AVEN: variants seen among roughly 807,000 people sequenced by gnomAD.
AVEN encodes the protein cell death regulator Aven.
AVEN carries 41 observed loss-of-function variants against 38.1 expected under a neutral mutation model. The ratio of observed to expected loss-of-function variants is 1.08; its 90% CI spans 0.84 to 1.40. AVEN has a LOEUF of 1.40. Ranked by LOEUF, AVEN falls within the 40% of genes most tolerant of loss-of-function variation. The pLI, the probability that AVEN is intolerant of heterozygous loss-of-function variation, is 0.00. For missense variants in AVEN, 605 were observed against 438.8 expected, an observed-to-expected ratio of 1.38 and a Z score of -3.38; for synonymous variants, 206 against 171.8, an observed-to-expected ratio of 1.20 and a Z score of -1.56.
In AVEN at chr15:33,983,171, TATATATACACAC is replaced by T. The variant is rs1383641336; in HGVS notation, c.445+19849_445+19860del. Among the ~76,000 whole-genome samples, 12 of 78,284 alleles carry T rather than the reference TATATATACACAC, an allele frequency of 1.5e-4. No homozygotes were observed. The East Asian group carries it at 5.7e-3, about 37-fold the overall frequency. 51.4% of individuals were successfully genotyped at this position (78,284 alleles called of 152,430 possible). A position where few individuals can be genotyped will look rare whatever the true frequency, so the allele number is the denominator to read the frequency against. ...GTGTGTGTGTGTGTATGTGTGTGTG[TATATATACACAC>T]GTGTGTGTATGTGTGTGTATATATA... On this transcript the variant is annotated intron_variant, in intron 2 of 5. Coordinates refer to ENST00000306730, the MANE Select transcript of AVEN (RefSeq NM_020371.3).
downstream of AVEN, chr15:33,856,898 C>G (rs1282878818): frequency 1.3e-5 from 2 of 152,348 alleles, no homozygotes; most frequent in Non-Finnish European, 1.5e-5. Flanking sequence ...ACCTCGTGAT[C>G]CGCCCGCCTC....
At chr15:33,934,138 T>G (rs1423877278) in intron 2 of AVEN, among the ~76,000 whole-genome samples, 1 of 149,964 alleles carries the variant, frequency 6.7e-6, no homozygotes, top group Non-Finnish European at 1.5e-5. Context: ...ATTTGGGAAG[T>G]CAAGGCAGGA....
At chr15:33,950,213 G>C (rs1894684863) in intron 2 of AVEN, among the ~76,000 whole-genome samples, 1 of 152,154 alleles carries the variant, frequency 6.6e-6, no homozygotes, top group African/African-American at 2.4e-5. Flanking sequence ...TGGAGTGTGA[G>C]GGAAATGGGG....
At chr15:34,068,813 A>ATTTTTTT (rs147560221) in intron 2 of AVEN, among the ~76,000 whole-genome samples, 1 of 136,492 alleles carries the variant, frequency 7.3e-6, no homozygotes, top group African/African-American at 2.8e-5. Context: ...CTACAATCCA[A>ATTTTTTT]TTTTTTTTTT....
chr15:33,907,073 C>T (rs1033176447), intron 2 of AVEN, among the ~76,000 whole-genome samples: 11 of 152,012 alleles, frequency 7.2e-5, no homozygotes, highest in African/African-American at 2.4e-4. Flanking sequence ...TACCAAACCA[C>T]GAATGAAAAG....
intron 2 of AVEN, among the ~76,000 whole-genome samples, chr15:34,002,448 T>C (rs1897173468): frequency 6.6e-6 from 1 of 152,044 alleles, no homozygotes. Flanking sequence ...CATTCTTCCC[T>C]GTTACTGCTC....
chr15:33,949,778 T>C (rs959612124), intron 2 of AVEN, among the ~76,000 whole-genome samples: 3 of 152,182 alleles, frequency 2.0e-5, no homozygotes, highest in African/African-American at 4.8e-5. Flanking sequence ...CAAAAGATAA[T>C]TGGTACAGCT....
At chr15:34,040,453 A>G (rs1304819946), upstream of AVEN, among the ~76,000 whole-genome samples, 4 of 152,128 alleles carry the variant, frequency 2.6e-5, no homozygotes, top group African/African-American at 9.7e-5. Context: ...AGGATTGTCA[A>G]CTCCAGAGAA....
chr15:34,068,904 C>G (rs532929519), intron 2 of AVEN, among the ~76,000 whole-genome samples: 1 of 151,018 alleles, frequency 6.6e-6, no homozygotes, highest in Non-Finnish European at 1.5e-5. Context: ...GTCCGCCTCC[C>G]GGGTTCACGC....
intron 1 of AVEN, among the ~76,000 whole-genome samples, chr15:34,018,681 G>A (rs1374280113): frequency 6.6e-6 from 1 of 152,202 alleles, no homozygotes; most frequent in Non-Finnish European, 1.5e-5. Context: ...GACTCCAGTG[G>A]GTTGCTGCTG....
chr15:33,855,051 A>G, downstream of AVEN: 1 of 881,806 alleles, frequency 1.1e-6, no homozygotes. Flanking sequence ...CACTTCAACT[A>G]ATGGTGATTG....
intron 2 of AVEN, among the ~76,000 whole-genome samples, chr15:33,947,254 C>A (rs1894542607): frequency 6.6e-6 from 1 of 152,190 alleles, no homozygotes; most frequent in African/African-American, 2.4e-5. Context: ...GCCTCTGTTG[C>A]AGATTGGTGT....
At chr15:34,050,958 C>T (rs1368626265) in intron 5 of AVEN, among the ~76,000 whole-genome samples, 2 of 152,138 alleles carry the variant, frequency 1.3e-5, no homozygotes, top group Non-Finnish European at 2.9e-5. Context: ...AGAAAATTAA[C>T]AATGATATTC....
chr15:33,905,130 C>CAA (rs71117197), intron 2 of AVEN, among the ~76,000 whole-genome samples: 176 of 121,236 alleles, frequency 1.5e-3, no homozygotes, highest in African/African-American at 5.1e-3. Context: ...ACTCCGTCTC[C>CAA]AAAAAAAAAA....
chr15:33,879,914 A>G (rs1217325316), intron 2 of AVEN, among the ~76,000 whole-genome samples: 1 of 152,190 alleles, frequency 6.6e-6, no homozygotes, highest in African/African-American at 2.4e-5. Context: ...AATTAATAAG[A>G]ATACATTATG....
intron 1 of AVEN, among the ~76,000 whole-genome samples, chr15:34,038,451 C>A (rs983549969): frequency 6.6e-6 from 1 of 152,230 alleles, no homozygotes; most frequent in African/African-American, 2.4e-5. Context: ...GCCCAGCCGG[C>A]CCACGGGCCG....
intron 2 of AVEN, among the ~76,000 whole-genome samples, chr15:33,905,563 A>T (rs1892667723): frequency 6.6e-6 from 1 of 152,080 alleles, no homozygotes; most frequent in African/African-American, 2.4e-5. Flanking sequence ...CAGGGTTCAC[A>T]CCTGGAATCC....
rs560253342 is a variant in AVEN, at chr15:33,903,768, A to G, written c.446-27773T>C. Among the ~76,000 whole-genome samples, 12 of 137,822 alleles carry G rather than the reference A, an allele frequency of 8.7e-5. No homozygotes were observed. In the East Asian group the frequency reaches 2.4e-3, roughly 27 times the overall value. 90.4% of individuals were successfully genotyped at this position (137,822 alleles called of 152,430 possible). A position where few individuals can be genotyped will look rare whatever the true frequency, so the allele number is the denominator to read the frequency against. The stretch of plus-strand genomic sequence containing the variant: ...GTGAATATATATTGTATATGTGTAT[A>G]TACAGTCATGCATCACATAACAATA... On this transcript the variant is annotated intron_variant, in intron 2 of 5. Transcript: ENST00000306730.
At chr15:33,946,530 A>G (rs770929559) in intron 2 of AVEN, among the ~76,000 whole-genome samples, 1 of 152,174 alleles carries the variant, frequency 6.6e-6, no homozygotes, top group Non-Finnish European at 1.5e-5. Flanking sequence ...TCCTGCCCTC[A>G]TGGAACTTAC....
Sources: allele counts gnomAD v4.1 joint callset (sites outside exome capture counted in the v4.1 genomes callset), GRCh38; gene constraint gnomAD v4.1.1; transcripts MANE v1.5; gene names NCBI Gene and HGNC (gene_info 2026-07-23, HGNC 2026-07-21).